CSMD1: variants seen among roughly 807,000 people sequenced by gnomAD.
The protein encoded by CSMD1 is CUB and Sushi multiple domains 1, also known as CUB and sushi domain-containing protein 1.
CSMD1 carries 213 observed loss-of-function variants against 417.5 expected under a neutral mutation model. The ratio of observed to expected loss-of-function variants is 0.51; its 90% CI spans 0.46 to 0.57. CSMD1 has a LOEUF of 0.57. Among genes scored for constraint, CSMD1 ranks in the 20% least tolerant of loss-of-function variants. CSMD1 has a pLI of 0.00. For missense variants in CSMD1, 6,923 were observed against 4,529.7 expected, an observed-to-expected ratio of 1.53 and a Z score of -15.17; for synonymous variants, 2,862 against 1,736.8, an observed-to-expected ratio of 1.65 and a Z score of -16.11.
intron 32 of CSMD1, among the ~76,000 whole-genome samples, chr8:3,200,234 C>A (rs1222368092): frequency 6.6e-6 from 1 of 151,710 alleles, no homozygotes. Context: ...TCAGAAAAGG[C>A]CTTCTGAAGT....
intron 5 of CSMD1, among the ~76,000 whole-genome samples, chr8:3,968,544 T>A (rs762670832): frequency 6.6e-6 from 1 of 152,124 alleles, no homozygotes; most frequent in Non-Finnish European, 1.5e-5. Flanking sequence ...TTTTTTCAGA[T>A]TTTCAGAAGG....
intron 1 of CSMD1, among the ~76,000 whole-genome samples, chr8:4,774,222 C>T (rs974906802): frequency 2.6e-5 from 4 of 152,036 alleles, no homozygotes; most frequent in Non-Finnish European, 5.9e-5. Flanking sequence ...AAATAATCAT[C>T]TTTTCTTTCC....
chr8:4,265,217 T>G lies in CSMD1; in HGVS notation c.415+154736A>C, dbSNP rs191195101. 3.9e-5 allele frequency among the ~76,000 whole-genome samples: 6 copies of G among 152,178 alleles called. No individual in the cohort carries two copies. In the East Asian group the frequency reaches 1.2e-3, roughly 29 times the overall value. Reference sequence around the variant, plus strand: ...AAGTGTAACAGTATTTAAAAATTATTTAGTTACAAATTGTATTCATATATT... The same window carrying G: ...AAGTGTAACAGTATTTAAAAATTATGTAGTTACAAATTGTATTCATATATT... On this transcript the variant is annotated intron_variant, in intron 3 of 69. Coordinates refer to ENST00000635120, the MANE Select transcript of CSMD1 (RefSeq NM_033225.6).
At chr8:4,214,983 C>G (rs904444990) in intron 3 of CSMD1, among the ~76,000 whole-genome samples, 8 of 152,174 alleles carry the variant, frequency 5.3e-5, no homozygotes, top group African/African-American at 1.7e-4. Flanking sequence ...ACAGCTTACT[C>G]TGTCAGGATT....
chr8:4,839,143 C>T lies in CSMD1; in HGVS notation c.85+155189G>A, dbSNP rs530338127. Among the ~76,000 whole-genome samples the T allele has an allele frequency of 6.6e-5, 10 of 152,218 alleles. No homozygotes were observed. In the South Asian group the frequency reaches 1.9e-3, roughly 28 times the overall value. ...CACGACTTCTTCAAAAGCTGTGTGTCGTAACTAAAACCATCCTTCTTTCCC... is the reference window on the plus strand; with the variant it reads ...CACGACTTCTTCAAAAGCTGTGTGTTGTAACTAAAACCATCCTTCTTTCCC... On this transcript the variant is annotated intron_variant, in intron 1 of 69. Transcript: ENST00000635120.
rs527348975 is a variant in CSMD1, at chr8:3,061,662, T to C, written c.7475-9015A>G. Among the ~76,000 whole-genome samples the C allele has an allele frequency of 9.2e-5, 14 of 152,326 alleles. No individual in the cohort carries two copies. In the East Asian group the frequency reaches 2.7e-3, roughly 29 times the overall value. ...TGACCCCATGACTCAGAAAGTCATA[T>C]ACACAGGTGGTAGAAATGACAAAGT... On this transcript the variant is annotated intron_variant, in intron 49 of 69. Coordinates refer to ENST00000635120, the MANE Select transcript of CSMD1 (RefSeq NM_033225.6).
At chr8:3,601,554 C>G (rs1801361846) in intron 8 of CSMD1, among the ~76,000 whole-genome samples, 1 of 152,126 alleles carries the variant, frequency 6.6e-6, no homozygotes, top group African/African-American at 2.4e-5. Flanking sequence ...TATAAAAGGT[C>G]TAACATTGAG....
At chr8:4,562,840 G>T (rs953434526) in intron 2 of CSMD1, among the ~76,000 whole-genome samples, 14 of 152,054 alleles carry the variant, frequency 9.2e-5, no homozygotes, top group Non-Finnish European at 1.9e-4. Flanking sequence ...ATATCAGGAA[G>T]AATTCAAATG....
chr8:4,286,361 T>A (rs1183837600), intron 3 of CSMD1, among the ~76,000 whole-genome samples: 1 of 152,204 alleles, frequency 6.6e-6, no homozygotes, highest in Non-Finnish European at 1.5e-5. Context: ...TTTTTCCTTC[T>A]ATGTTAGTTC....
At chr8:3,195,112 C>G (rs1055394501) in intron 33 of CSMD1, among the ~76,000 whole-genome samples, 1 of 152,024 alleles carries the variant, frequency 6.6e-6, no homozygotes, top group Non-Finnish European at 1.5e-5. Flanking sequence ...TATGTTGAAA[C>G]AAATTACAGA....
At chr8:3,878,477 TTAAC>T (rs1805980864) in intron 5 of CSMD1, among the ~76,000 whole-genome samples, 1 of 152,180 alleles carries the variant, frequency 6.6e-6, no homozygotes, top group Non-Finnish European at 1.5e-5. Flanking sequence ...CTCTTAAATA[TTAAC>T]TAAGTAGAAC....
In CSMD1 at chr8:3,926,173, G is replaced by C. The variant is rs559547117; in HGVS notation, c.818+71730C>G. On this transcript the variant is annotated intron_variant, in intron 5 of 69. Transcript: ENST00000635120. ...GTGGGGGTTTATGTATACTTTCTAA[G>C]TCATATTTTTCCCAGACATGATTTT... Among the ~76,000 whole-genome samples, 12 of 150,664 alleles carry C rather than the reference G, an allele frequency of 8.0e-5. No individual in the cohort carries two copies. In the South Asian group the frequency reaches 2.5e-3, roughly 32 times the overall value.
chr8:4,238,118 C>T (rs964326), intron 3 of CSMD1, among the ~76,000 whole-genome samples: 149,972 of 152,256 alleles, frequency 0.98, 73,898 homozygotes, highest in East Asian at 1. Context: ...TCAGTCATGT[C>T]TGCCCCTGGC....
intron 57 of CSMD1, among the ~76,000 whole-genome samples, chr8:2,969,970 G>A (rs1275071959): frequency 2.0e-5 from 3 of 152,114 alleles, no homozygotes; most frequent in Non-Finnish European, 4.4e-5. Flanking sequence ...ATATATTTGA[G>A]AAATATTTTC....
At chr8:3,231,502 T>C (rs1385846079) in intron 26 of CSMD1, among the ~76,000 whole-genome samples, 1 of 152,168 alleles carries the variant, frequency 6.6e-6, no homozygotes, top group Non-Finnish European at 1.5e-5. Flanking sequence ...TGTGTGTGCG[T>C]GTGTGTGCAT....
At chr8:3,844,437 A>G (rs1034469828) in intron 5 of CSMD1, among the ~76,000 whole-genome samples, 1 of 152,196 alleles carries the variant, frequency 6.6e-6, no homozygotes. Context: ...TTACACTATG[A>G]TCCATAGGAG....
At chr8:4,420,998 C>G (rs183481935) in intron 2 of CSMD1, among the ~76,000 whole-genome samples, 1 of 152,104 alleles carries the variant, frequency 6.6e-6, no homozygotes, top group Non-Finnish European at 1.5e-5. Context: ...TCTTTGTAAA[C>G]TGCAGTATCT....
At chr8:4,688,640 G>T (rs1466921585) in intron 1 of CSMD1, among the ~76,000 whole-genome samples, 1 of 152,102 alleles carries the variant, frequency 6.6e-6, no homozygotes, top group South Asian at 2.1e-4. Context: ...GAGCCATTTG[G>T]GGGGGTCTTT....
intron 7 of CSMD1, among the ~76,000 whole-genome samples, chr8:3,687,501 C>T (rs1799999675): frequency 6.6e-6 from 1 of 152,134 alleles, no homozygotes; most frequent in Admixed American, 6.5e-5. Flanking sequence ...CAAAAAGCAA[C>T]CATCTCAATT....
Sources: allele counts gnomAD v4.1 joint callset (sites outside exome capture counted in the v4.1 genomes callset), GRCh38; gene constraint gnomAD v4.1.1; transcripts MANE v1.5; gene names NCBI Gene and HGNC (gene_info 2026-07-23, HGNC 2026-07-21).